The following CSMD1 variants were observed in gnomAD, a reference collection of about 807,000 sequenced individuals.
CSMD1 encodes the protein CUB and sushi domain-containing protein 1.
Under a neutral mutation model 417.5 loss-of-function variants are expected in CSMD1, and 213 were observed. The ratio of observed to expected loss-of-function variants is 0.51; its 90% confidence interval spans 0.46 to 0.57. CSMD1 has a LOEUF of 0.57. Ranked by LOEUF, CSMD1 falls within the 20% of genes least tolerant of loss-of-function variation. The probability of loss-of-function intolerance (pLI) is 0.00; values close to 1 mark genes in which losing one functional copy is unlikely to be tolerated. For missense variants in CSMD1, 6,923 were observed against 4,529.7 expected (o/e 1.53, Z -15.17); for synonymous variants, 2,862 against 1,736.8 (o/e 1.65, Z -16.11).
Position 4,032,025 on chromosome 8 carries a change from C to G in CSMD1, c.490G>C (p.Gly164Arg), listed in dbSNP as rs376282969. 2 of 1,613,812 alleles carry G rather than the reference C, an allele frequency of 1.2e-6. No homozygotes were observed. Among genetic ancestry groups the G allele is most frequent in the East Asian group, 2.2e-5 (1 of 44,872 alleles). The change falls in exon 4 of 70, where the codon GGA becomes CGA. Residue 164 changes from glycine (G) to arginine (R), a missense_variant. Gly to Arg is a moderately radical substitution (Grantham distance 125). Coordinates refer to ENST00000635120, the MANE Select transcript of CSMD1 (RefSeq NM_033225.6). ...AGGCAGCTGTACCGGATTTTGTCTC[C>G]TATGTTGAATCTCGTTCCATGCAGA... ...GVLHGTRFNI[G>R]DKIRYSCLPG...
rs1211344743 is a variant in CSMD1 at position 3,399,508 on chromosome 8, G to A, written c.2288C>T (p.Thr763Ile). 1.9e-6 allele frequency: 3 copies of A among 1,600,324 alleles called. No homozygotes were observed. The highest frequency in any genetic ancestry group is 2.2e-5 in the East Asian group (1 of 44,462). ...RCEAPCGGHL[T>I]ASSGVILPPG... ...AGGCAAAATGACTCCGCTGGACGCTGTCAGATGTCCACCACATGGAGCTAA... is the reference window on the plus strand; with the variant it reads ...AGGCAAAATGACTCCGCTGGACGCTATCAGATGTCCACCACATGGAGCTAA... Residue 763 changes from threonine to isoleucine, a missense_variant, in exon 16 of 70, where the codon ACA (threonine) becomes ATA (isoleucine). By Grantham distance (89) the Thr-to-Ile change is moderately conservative (BLOSUM62 -1). Transcript: ENST00000635120.
chr8:4,003,026 C>T (rs964835724), intron 4 of CSMD1, among the ~76,000 whole-genome samples: 1 of 151,638 alleles, frequency 6.6e-6, no homozygotes, highest in African/African-American at 2.4e-5. Context: ...AAAATAAAAA[C>T]AACACAATAA....
At chr8:3,709,227 A>G (rs1482762953) in intron 6 of CSMD1, among the ~76,000 whole-genome samples, 3 of 150,984 alleles carry the variant, frequency 2.0e-5, no homozygotes, top group African/African-American at 7.3e-5. Context: ...AAATGTTATG[A>G]TCTTCTAAGC....
intron 3 of CSMD1, among the ~76,000 whole-genome samples, chr8:4,069,376 T>G (rs1372771008): frequency 6.6e-6 from 1 of 152,238 alleles, no homozygotes; most frequent in Non-Finnish European, 1.5e-5. Context: ...ATTTTTACTT[T>G]ATGCTTTCGT....
chr8:3,201,706 G>C lies in CSMD1; in HGVS notation c.5004C>G (p.Ala1668=), dbSNP rs760947041. ...PKEFVVFGQF[A]YFQTALNDLA... is the part of the protein sequence containing the mutation. ...AATCATTCAGGGCTGTCTGGAAATA[G>C]GCAAACTGTCCAAAGACCACTAAAA... The change falls in exon 32 of 70, where the codon GCC becomes GCG. Residue 1668 remains alanine (A), a synonymous_variant. Transcript: ENST00000635120. The C allele has an allele frequency of 1.2e-6, 2 of 1,600,482 alleles. No individual in the cohort carries two copies. The highest frequency in any genetic ancestry group is 1.7e-6 in the Non-Finnish European group (2 of 1,173,002).
At chr8:4,141,219 C>G (rs35974526) in intron 3 of CSMD1, among the ~76,000 whole-genome samples, 45,290 of 150,800 alleles carry the variant, frequency 0.3, 8,454 homozygotes, top group Non-Finnish European at 0.39. Flanking sequence ...AGACTGGAAA[C>G]CTTCACATTT....
chr8:3,609,541 G>C (rs1453160249), intron 8 of CSMD1, among the ~76,000 whole-genome samples: 1 of 151,890 alleles, frequency 6.6e-6, no homozygotes, highest in Non-Finnish European at 1.5e-5. Flanking sequence ...GATTTCTCAA[G>C]AACCCAGAAT....
At chr8:4,249,594 G>C (rs1011295543) in intron 3 of CSMD1, among the ~76,000 whole-genome samples, 4 of 152,166 alleles carry the variant, frequency 2.6e-5, no homozygotes, top group African/African-American at 7.2e-5. Context: ...TGTGTATTGA[G>C]AGAATGGTGT....
intron 5 of CSMD1, among the ~76,000 whole-genome samples, chr8:3,865,491 A>T (rs1188398288): frequency 2.0e-5 from 3 of 152,068 alleles, no homozygotes; most frequent in East Asian, 3.9e-4. Context: ...CTGGGAAATC[A>T]GAAAAGGGTG....
intron 1 of CSMD1, among the ~76,000 whole-genome samples, chr8:4,973,559 T>C (rs1810368138): frequency 6.6e-6 from 1 of 152,202 alleles, no homozygotes; most frequent in Non-Finnish European, 1.5e-5. Flanking sequence ...TAGTAAAGAC[T>C]CAAAAACATC....
At position 4,734,419 on chromosome 8, in the gene CSMD1, GA is replaced by G. The variant is rs922700461; in HGVS notation, c.86-96862del. On this transcript the variant is annotated intron_variant, in intron 1 of 69. Coordinates refer to ENST00000635120, the MANE Select transcript of CSMD1 (RefSeq NM_033225.6). ...TTTTTCTTTTGTTTAGTGAGTCCCTGAAAAAAAAAGGTGAAAAGTTGAATAG... is the reference window on the plus strand; with the variant it reads ...TTTTTCTTTTGTTTAGTGAGTCCCTGAAAAAAAAGGTGAAAAGTTGAATAG... Among the ~76,000 whole-genome samples, 325 of 150,250 alleles carry G rather than the reference GA, an allele frequency of 2.2e-3. 2 individuals carry two copies. The highest frequency in any genetic ancestry group is 4.4e-3 in the Admixed American group (66 of 15,076).
chr8:3,665,612 G>A (rs563900329), intron 7 of CSMD1, among the ~76,000 whole-genome samples: 2 of 152,140 alleles, frequency 1.3e-5, no homozygotes, highest in Non-Finnish European at 2.9e-5. Context: ...AATTGACTCA[G>A]TAGGGTTCTA....
At chr8:3,635,700 G>T (rs867585926) in intron 7 of CSMD1, among the ~76,000 whole-genome samples, 1 of 148,712 alleles carries the variant, frequency 6.7e-6, no homozygotes, top group Non-Finnish European at 1.5e-5. Flanking sequence ...AGCCAGGATG[G>T]TCTCAATCTC....
chr8:4,592,251 C>T (rs1800027784), intron 2 of CSMD1, among the ~76,000 whole-genome samples: 1 of 150,952 alleles, frequency 6.6e-6, no homozygotes, highest in South Asian at 2.1e-4. Context: ...GTTGCAGTAA[C>T]TAAAGTGTCC....
At chr8:4,077,015 T>C (rs996671793) in intron 3 of CSMD1, among the ~76,000 whole-genome samples, 6 of 152,086 alleles carry the variant, frequency 3.9e-5, no homozygotes, top group Non-Finnish European at 8.8e-5. Context: ...GTAAGAAAAA[T>C]TGCAACTCTA....
At chr8:4,928,401 T>A (rs927619671) in intron 1 of CSMD1, among the ~76,000 whole-genome samples, 2 of 152,200 alleles carry the variant, frequency 1.3e-5, no homozygotes, top group Non-Finnish European at 2.9e-5. Flanking sequence ...GAGCTGGGGC[T>A]TTCCCTGATT....
chr8:4,182,881 A>G (rs1798456372), intron 3 of CSMD1, among the ~76,000 whole-genome samples: 2 of 152,172 alleles, frequency 1.3e-5, no homozygotes, highest in South Asian at 2.1e-4. Context: ...AGAGTCTAGA[A>G]CTGTATGTTT....
chr8:4,073,254 G>C (rs931284766), intron 3 of CSMD1, among the ~76,000 whole-genome samples: 36 of 151,956 alleles, frequency 2.4e-4, no homozygotes, highest in African/African-American at 8.5e-4. Context: ...ATGATGAGAA[G>C]GTAAAAATAG....
At chr8:3,178,615 C>A (rs915209228) in intron 37 of CSMD1, among the ~76,000 whole-genome samples, 2 of 152,290 alleles carry the variant, frequency 1.3e-5, no homozygotes, top group Non-Finnish European at 2.9e-5. Flanking sequence ...GCTCTATGCT[C>A]TGTTTCTTCA....
Sources: gnomAD v4.1 joint callset for allele counts (sites outside exome capture counted in the v4.1 genomes callset) on GRCh38, gnomAD v4.1.1 for gene constraint, MANE v1.5 for transcripts, NCBI Gene and HGNC (gene_info 2026-07-23, HGNC 2026-07-21) for gene names.